The following ROBO1 variants were observed in gnomAD, a reference collection of about 807,000 sequenced individuals.
ROBO1 encodes the protein roundabout homolog 1.
Under a neutral mutation model 195.9 loss-of-function variants are expected in ROBO1, and 149 were observed. The observed-to-expected ratio is 0.76, with a 90% CI of 0.67 to 0.87. The LOEUF (loss-of-function observed/expected upper bound fraction) is 0.87. Among genes scored for constraint, ROBO1 ranks in the 40% least tolerant of loss-of-function variants. The pLI, the probability that ROBO1 is intolerant of heterozygous loss-of-function variation, is 0.00. For missense variants in ROBO1, 1,933 were observed against 2,068.3 expected, an observed-to-expected ratio of 0.93 and a Z score of 1.27; for synonymous variants, 816 against 733.2, an observed-to-expected ratio of 1.11 and a Z score of -1.82.
chr3:79,520,261 C>T (rs1054695399), intron 2 of ROBO1, among the ~76,000 whole-genome samples: 4 of 151,884 alleles, frequency 2.6e-5, no homozygotes, highest in African/African-American at 9.7e-5. Flanking sequence ...AAAACTAGAT[C>T]GGGTGTCAGG....
intron 4 of ROBO1, among the ~76,000 whole-genome samples, chr3:78,869,636 T>A (rs2035423947): frequency 6.6e-6 from 1 of 151,894 alleles, no homozygotes; most frequent in African/African-American, 2.4e-5. Context: ...TTTTTTTTAA[T>A]TTTTGGTAGA....
intron 4 of ROBO1, among the ~76,000 whole-genome samples, chr3:78,781,891 T>G (rs910490858): frequency 1.3e-5 from 2 of 152,150 alleles, no homozygotes; most frequent in Non-Finnish European, 2.9e-5. Context: ...TAAAAACATT[T>G]ACAAAAGTTG....
At chr3:79,051,008 C>G (rs940851151) in intron 3 of ROBO1, among the ~76,000 whole-genome samples, 9 of 151,974 alleles carry the variant, frequency 5.9e-5, no homozygotes, top group Admixed American at 3.3e-4. Context: ...AACTGAGAAG[C>G]AAGAGCAAAC....
Position 79,067,596 on chromosome 3 carries a change from T to C in ROBO1, c.172+57860A>G, listed in dbSNP as rs192357146. ...AGATTATACCACATAGATCTTAAGA[T>C]TCCATCAGTATTTTCAAATTCAACA... On this transcript the variant is annotated intron_variant, in intron 3 of 30. Coordinates refer to ENST00000464233, the MANE Select transcript of ROBO1 (RefSeq NM_002941.4). Among the ~76,000 whole-genome samples the C allele has an allele frequency of 2.0e-5, 3 of 150,758 alleles. No individual in the cohort carries two copies. In the East Asian group the frequency reaches 6.0e-4, roughly 30 times the overall value.
chr3:79,543,995 G>C (rs957818307), intron 2 of ROBO1, among the ~76,000 whole-genome samples: 1 of 152,020 alleles, frequency 6.6e-6, no homozygotes, highest in African/African-American at 2.4e-5. Context: ...CAGAAAGCAT[G>C]GTAATTTCAC....
intron 4 of ROBO1, among the ~76,000 whole-genome samples, chr3:78,857,421 T>C (rs1255132109): frequency 6.6e-6 from 1 of 152,226 alleles, no homozygotes; most frequent in Admixed American, 6.5e-5. Flanking sequence ...TTAGCATCCA[T>C]TGAGTCCTTA....
chr3:79,559,354 T>C (rs1942824756), intron 2 of ROBO1, among the ~76,000 whole-genome samples: 1 of 152,190 alleles, frequency 6.6e-6, no homozygotes, highest in Non-Finnish European at 1.5e-5. Flanking sequence ...ATACCTGTTG[T>C]TCATATTTTA....
At chr3:79,683,124 A>G (rs1326646787) in intron 1 of ROBO1, among the ~76,000 whole-genome samples, 1 of 151,912 alleles carries the variant, frequency 6.6e-6, no homozygotes, top group Non-Finnish European at 1.5e-5. Context: ...ATTTTTTTCT[A>G]TCTTTGGTAA....
intron 2 of ROBO1, among the ~76,000 whole-genome samples, chr3:79,377,419 T>C (rs1434072563): frequency 6.6e-6 from 1 of 152,176 alleles, no homozygotes; most frequent in African/African-American, 2.4e-5. Flanking sequence ...ATTTAAATGT[T>C]CTACTTCTAC....
chr3:79,701,294 C>A (rs554511884), intron 1 of ROBO1, among the ~76,000 whole-genome samples: 43 of 151,632 alleles, frequency 2.8e-4, no homozygotes, highest in Non-Finnish European at 5.3e-4. Flanking sequence ...TTTAGGATTG[C>A]TTTGGGTATT....
chr3:79,318,688 G>A (rs529853022), intron 2 of ROBO1, among the ~76,000 whole-genome samples: 3 of 152,202 alleles, frequency 2.0e-5, no homozygotes, highest in South Asian at 4.1e-4. Context: ...CCACAATAGC[G>A]ATGCATTTCA....
intron 4 of ROBO1, among the ~76,000 whole-genome samples, chr3:78,911,889 C>T (rs1206836726): frequency 6.6e-6 from 1 of 151,972 alleles, no homozygotes; most frequent in East Asian, 1.9e-4. Context: ...CTGAGATAGT[C>T]CGCTATTTTG....
chr3:79,316,086 T>A (rs1311156307), intron 2 of ROBO1, among the ~76,000 whole-genome samples: 1 of 152,136 alleles, frequency 6.6e-6, no homozygotes, highest in Non-Finnish European at 1.5e-5. Flanking sequence ...CAGCAATGTA[T>A]AAAGGAATAG....
At chr3:78,718,782 AGAAGGAAGGAAG>A (rs10558820) in intron 5 of ROBO1, among the ~76,000 whole-genome samples, 1 of 115,132 alleles carries the variant, frequency 8.7e-6, no homozygotes, top group Non-Finnish European at 1.8e-5. Flanking sequence ...AGATAAAGGA[AGAAGGAAGGAAG>A]GAAGGAAGGA....
intron 1 of ROBO1, among the ~76,000 whole-genome samples, chr3:79,707,807 C>A (rs1034492630): frequency 6.6e-6 from 1 of 151,994 alleles, no homozygotes; most frequent in East Asian, 1.9e-4. Flanking sequence ...CACACCTGGC[C>A]GAAAAGAATT....
At chr3:79,486,180 A>G (rs2107417641) in intron 2 of ROBO1, among the ~76,000 whole-genome samples, 1 of 152,028 alleles carries the variant, frequency 6.6e-6, no homozygotes, top group East Asian at 1.9e-4. Flanking sequence ...CTCACAAAGT[A>G]TTGTCTTTTT....
chr3:78,888,242 T>C (rs2036677765), intron 4 of ROBO1, among the ~76,000 whole-genome samples: 1 of 152,212 alleles, frequency 6.6e-6, no homozygotes, highest in African/African-American at 2.4e-5. Context: ...TTGTATTTGA[T>C]TAATCACAAT....
intron 11 of ROBO1, among the ~76,000 whole-genome samples, chr3:78,668,974 T>G (rs1290418416): frequency 6.6e-6 from 1 of 152,144 alleles, no homozygotes; most frequent in Non-Finnish European, 1.5e-5. Context: ...ATTTCATATT[T>G]TACTTATATA....
chr3:78,731,586 A>G, intron 5 of ROBO1, among the ~76,000 whole-genome samples: 1 of 152,160 alleles, frequency 6.6e-6, no homozygotes, highest in Non-Finnish European at 1.5e-5. Context: ...TCACAATCTA[A>G]GAGATTGGAC....
Sources: gnomAD v4.1 joint callset for allele counts (sites outside exome capture counted in the v4.1 genomes callset) on GRCh38, gnomAD v4.1.1 for gene constraint, MANE v1.5 for transcripts, NCBI Gene and HGNC (gene_info 2026-07-23, HGNC 2026-07-21) for gene names.